Variants in DAB1 observed in about 807,000 individuals in gnomAD.
DAB1 encodes the protein DAB adaptor protein 1.
Under a neutral mutation model 64.6 loss-of-function variants are expected in DAB1, and 15 were observed. The observed-to-expected ratio is 0.23, with a 90% CI of 0.16 to 0.36. DAB1 has a LOEUF of 0.36. Ranked by LOEUF, DAB1 falls within the 10% of genes least tolerant of loss-of-function variation. The pLI, the probability that DAB1 is intolerant of heterozygous loss-of-function variation, is 1.00. For synonymous variants in DAB1, 235 were observed against 251.9 expected (o/e 0.93, Z 0.64); for missense variants, 596 against 706.7 (o/e 0.84, Z 1.78).
intron 5 of DAB1, among the ~76,000 whole-genome samples, chr1:58,112,845 G>C (rs1652057354): frequency 6.6e-6 from 1 of 152,150 alleles, no homozygotes; most frequent in South Asian, 2.1e-4. Flanking sequence ...TAAATATGAT[G>C]CCCCACGCAG....
At chr1:57,205,060 C>T (rs1324993880) in intron 2 of DAB1, among the ~76,000 whole-genome samples, 1 of 152,148 alleles carries the variant, frequency 6.6e-6, no homozygotes, top group African/African-American at 2.4e-5. Context: ...AATGGAATTC[C>T]AGTGAAAAGG....
chr1:57,052,595 G>A (rs1382081224), intron 9 of DAB1, among the ~76,000 whole-genome samples: 1 of 152,136 alleles, frequency 6.6e-6, no homozygotes, highest in Non-Finnish European at 1.5e-5. Flanking sequence ...AGTTATTAAC[G>A]GTGAAGACAG....
intron 7 of DAB1, among the ~76,000 whole-genome samples, chr1:57,440,151 C>T (rs879759082): frequency 3.3e-5 from 5 of 152,166 alleles, no homozygotes; most frequent in Admixed American, 3.3e-4. Context: ...CTGAATGAAA[C>T]CTTCTCTGAC....
chr1:57,276,982 G>A (rs1671517012), intron 2 of DAB1, among the ~76,000 whole-genome samples: 1 of 152,132 alleles, frequency 6.6e-6, no homozygotes, highest in Admixed American at 6.5e-5. Context: ...GGAAGGAAAA[G>A]AAAAGAAGGG....
intron 4 of DAB1, among the ~76,000 whole-genome samples, chr1:57,074,003 G>A (rs988357430): frequency 1.3e-5 from 2 of 151,972 alleles, no homozygotes; most frequent in Non-Finnish European, 2.9e-5. Context: ...CAGCCTCCTG[G>A]GTGGCTGGGA....
intron 5 of DAB1, chr1:58,084,361 G>C (rs1650175277): frequency 6.5e-6 from 1 of 152,830 alleles, no homozygotes; most frequent in Non-Finnish European, 1.5e-5. Flanking sequence ...CTGGGCCTGT[G>C]GGTGTTAGGG....
At chr1:57,760,509 C>T (rs1489347610) in intron 6 of DAB1, among the ~76,000 whole-genome samples, 1 of 151,830 alleles carries the variant, frequency 6.6e-6, no homozygotes, top group African/African-American at 2.4e-5. Context: ...TCTTCTCTTT[C>T]TTCCCTTCCC....
At chr1:58,428,747 G>A (rs984994725) in intron 3 of DAB1, among the ~76,000 whole-genome samples, 6 of 152,236 alleles carry the variant, frequency 3.9e-5, no homozygotes, top group African/African-American at 1.4e-4. Context: ...TGAGAGTAGA[G>A]TGCTAGAGCA....
chr1:58,002,674 T>G (rs990335036), intron 5 of DAB1, among the ~76,000 whole-genome samples: 10 of 147,224 alleles, frequency 6.8e-5, no homozygotes, highest in African/African-American at 2.1e-4. Flanking sequence ...GGTGTATATA[T>G]ATATATAGAG....
intron 1 of DAB1, among the ~76,000 whole-genome samples, chr1:57,417,058 T>C (rs892058817): frequency 2.0e-5 from 3 of 152,132 alleles, no homozygotes; most frequent in Non-Finnish European, 2.9e-5. Context: ...TTAGGTTTGT[T>C]CTGGAAAAAT....
intron 4 of DAB1, among the ~76,000 whole-genome samples, chr1:58,268,443 TTTCTC>T: frequency 6.6e-6 from 1 of 152,292 alleles, no homozygotes; most frequent in South Asian, 2.1e-4. Flanking sequence ...AGTTAAGTGA[TTTCTC>T]TTCTATGTGT....
intron 2 of DAB1, among the ~76,000 whole-genome samples, chr1:58,522,844 T>C (rs1646288308): frequency 6.6e-6 from 1 of 152,176 alleles, no homozygotes; most frequent in African/African-American, 2.4e-5. Context: ...TAAGTGGAAG[T>C]GGATCATCAT....
chr1:58,129,114 G>A (rs1194784340), intron 5 of DAB1, among the ~76,000 whole-genome samples: 3 of 149,842 alleles, frequency 2.0e-5, no homozygotes, highest in Non-Finnish European at 4.4e-5. Flanking sequence ...GTAAGCTATT[G>A]ATTATTGCCA....
chr1:58,281,965 C>T (rs1661574313), intron 4 of DAB1, among the ~76,000 whole-genome samples: 1 of 152,050 alleles, frequency 6.6e-6, no homozygotes, highest in Non-Finnish European at 1.5e-5. Context: ...TTGTTATCAT[C>T]ATTACCATCA....
At chr1:57,194,809 C>A (rs2100230776) in intron 2 of DAB1, among the ~76,000 whole-genome samples, 1 of 152,258 alleles carries the variant, frequency 6.6e-6, no homozygotes, top group Middle Eastern at 3.4e-3. Flanking sequence ...CATCTCCAAT[C>A]AGTACTCAGG....
intron 5 of DAB1, among the ~76,000 whole-genome samples, chr1:58,035,305 A>G (rs768996284): frequency 5.9e-5 from 9 of 152,232 alleles, no homozygotes; most frequent in Non-Finnish European, 8.8e-5. Context: ...GCTATGCCCA[A>G]CGGGCCCTCC....
chr1:58,294,322 T>C (rs1661918289), intron 4 of DAB1, among the ~76,000 whole-genome samples: 1 of 152,144 alleles, frequency 6.6e-6, no homozygotes. Context: ...ATTCTTAAAA[T>C]CTCCATTCAT....
chr1:58,157,930 T>C (rs1655305681), intron 4 of DAB1, among the ~76,000 whole-genome samples: 2 of 152,194 alleles, frequency 1.3e-5, no homozygotes, highest in African/African-American at 4.8e-5. Context: ...AAATTTATAG[T>C]ACATGGGACT....
At chr1:57,691,824 C>A (rs1191058316) in intron 6 of DAB1, among the ~76,000 whole-genome samples, 3 of 152,130 alleles carry the variant, frequency 2.0e-5, no homozygotes, top group Admixed American at 6.5e-5. Context: ...CACTCTCAGA[C>A]CCCTTTCGCT....
Sources: gnomAD v4.1 joint callset for allele counts (sites outside exome capture counted in the v4.1 genomes callset) on GRCh38, gnomAD v4.1.1 for gene constraint, MANE v1.5 for transcripts, NCBI Gene and HGNC (gene_info 2026-07-23, HGNC 2026-07-21) for gene names.